Variants in POT1 observed in about 807,000 individuals in gnomAD.
POT1 encodes the protein protection of telomeres 1, also known as protection of telomeres protein 1.
A neutral mutation model predicts 78.5 loss-of-function variants in POT1; 47 were observed. That is an observed-to-expected ratio of 0.60 (90% CI 0.47 to 0.76). POT1 has a LOEUF of 0.76. Ranked by LOEUF, POT1 falls within the 30% of genes least tolerant of loss-of-function variation. The probability of loss-of-function intolerance (pLI) is 0.00; values close to 1 mark genes in which losing one functional copy is unlikely to be tolerated. For missense variants in POT1, 646 were observed against 749.9 expected (o/e 0.86, Z 1.62); for synonymous variants, 259 against 260.7 (o/e 0.99, Z 0.06).
intron 4 of POT1, 79 bp downstream of exon 4, chr7:124,898,182 T>G (rs1796539211): frequency 1.3e-5 from 2 of 151,980 alleles, no homozygotes; most frequent in East Asian, 3.9e-4. Context: ...ATCTGCAGAT[T>G]TACAGAAATA....
At chr7:124,906,406 A>G (rs1356654623) in intron 3 of POT1, among the ~76,000 whole-genome samples, 1 of 149,124 alleles carries the variant, frequency 6.7e-6, no homozygotes, top group Non-Finnish European at 1.5e-5. Flanking sequence ...ACCAATCACC[A>G]CATGTTCTCA....
At chr7:124,883,291 A>C (rs1055275217) in intron 6 of POT1, among the ~76,000 whole-genome samples, 1 of 152,128 alleles carries the variant, frequency 6.6e-6, no homozygotes, top group African/African-American at 2.4e-5. Flanking sequence ...TACATAGCCA[A>C]AAAACAGAAA....
chr7:124,911,095 G>A (rs914119747), intron 3 of POT1, among the ~76,000 whole-genome samples: 1 of 151,890 alleles, frequency 6.6e-6, no homozygotes, highest in Non-Finnish European at 1.5e-5. Flanking sequence ...ATTTTTATAA[G>A]CTACCAACAC....
At chr7:124,860,957 T>C (rs1412054031) in intron 8 of POT1, among the ~76,000 whole-genome samples, 3 of 152,102 alleles carry the variant, frequency 2.0e-5, no homozygotes, top group South Asian at 2.1e-4. Flanking sequence ...TTTGGCTGCA[T>C]AGTATTCCAG....
chr7:124,898,684 A>T (rs1796550477), intron 3 of POT1, among the ~76,000 whole-genome samples: 1 of 152,100 alleles, frequency 6.6e-6, no homozygotes, highest in African/African-American at 2.4e-5. Flanking sequence ...TCCAATAGTA[A>T]TAAGGATGGA....
At chr7:124,842,698 A>AAT (rs767685904) in intron 13 of POT1, 109 bp downstream of exon 13, 9 of 830,912 alleles carry the variant, frequency 1.1e-5, no homozygotes, top group Non-Finnish European at 1.5e-5. Flanking sequence ...TGCAAAATAT[A>AAT]ATATATATAT....
At chr7:124,862,125 C>CGTTAA in intron 8 of POT1, among the ~76,000 whole-genome samples, 2 of 152,134 alleles carry the variant, frequency 1.3e-5, no homozygotes, top group East Asian at 3.9e-4. Context: ...TTTAAACTAA[C>CGTTAA]AGTTACGTGA....
chr7:124,914,576 A>G (rs1235300765), intron 3 of POT1, among the ~76,000 whole-genome samples: 1 of 152,236 alleles, frequency 6.6e-6, no homozygotes. Context: ...TTGCATCTGC[A>G]AATTCAACCA....
At chr7:124,890,378 A>G (rs1000186084) in intron 6 of POT1, among the ~76,000 whole-genome samples, 3 of 151,958 alleles carry the variant, frequency 2.0e-5, no homozygotes, top group Admixed American at 6.6e-5. Flanking sequence ...GGTGTTATGA[A>G]TATTTTTGAT....
At chr7:124,920,169 A>G (rs953866613) in intron 2 of POT1, among the ~76,000 whole-genome samples, 1 of 152,178 alleles carries the variant, frequency 6.6e-6, no homozygotes, top group African/African-American at 2.4e-5. Flanking sequence ...ATTATTCACC[A>G]TCACAAAAAC....
intron 6 of POT1, among the ~76,000 whole-genome samples, chr7:124,877,791 C>T (rs1445481783): frequency 7.1e-6 from 1 of 141,052 alleles, no homozygotes; most frequent in African/African-American, 2.7e-5. Flanking sequence ...TGAGATGGTG[C>T]CACTGTATTC....
intron 6 of POT1, among the ~76,000 whole-genome samples, chr7:124,879,626 A>C (rs1324546529): frequency 6.6e-6 from 1 of 152,184 alleles, no homozygotes; most frequent in Non-Finnish European, 1.5e-5. Flanking sequence ...CCGTTATTTA[A>C]GACATACTTG....
intron 6 of POT1, among the ~76,000 whole-genome samples, chr7:124,879,398 G>A (rs1279801409): frequency 1.3e-5 from 2 of 152,102 alleles, no homozygotes; most frequent in East Asian, 1.9e-4. Flanking sequence ...GCTAGCATAG[G>A]GAATCATGAA....
chr7:124,885,943 T>C (rs1007112189), intron 6 of POT1, among the ~76,000 whole-genome samples: 24 of 152,168 alleles, frequency 1.6e-4, no homozygotes, highest in Non-Finnish European at 2.6e-4. Flanking sequence ...ATATGTTCTT[T>C]TAACTCTGAT....
intron 6 of POT1, among the ~76,000 whole-genome samples, chr7:124,882,513 T>C (rs1796142925): frequency 1.3e-5 from 2 of 152,122 alleles, no homozygotes; most frequent in Middle Eastern, 3.4e-3. Context: ...AGAAAGAATA[T>C]ATGTTATGAT....
intron 2 of POT1, among the ~76,000 whole-genome samples, chr7:124,926,352 A>G (rs1797271552): frequency 6.6e-6 from 1 of 152,170 alleles, no homozygotes; most frequent in African/African-American, 2.4e-5. Flanking sequence ...AATATAACTA[A>G]TCATCAGTAA....
intron 3 of POT1, among the ~76,000 whole-genome samples, chr7:124,901,836 C>G (rs1450793026): frequency 1.3e-5 from 2 of 152,034 alleles, no homozygotes; most frequent in Non-Finnish European, 2.9e-5. Context: ...CTTAAATGAC[C>G]TGATGAAGTG....
intron 2 of POT1, among the ~76,000 whole-genome samples, chr7:124,927,507 ATC>A (rs1797302658): frequency 6.6e-6 from 1 of 152,182 alleles, no homozygotes; most frequent in Admixed American, 6.5e-5. Flanking sequence ...CTAGACAACA[ATC>A]TATACAAGTG....
intron 15 of POT1, 141 bp from the exon 16 acceptor site, chr7:124,829,483 T>G: frequency 1.8e-6 from 1 of 571,384 alleles, no homozygotes; most frequent in East Asian, 2.9e-5. Flanking sequence ...TATTGTAATG[T>G]GCTTGTTTGT....
Sources: gnomAD v4.1 joint callset for allele counts (sites outside exome capture counted in the v4.1 genomes callset) on GRCh38, gnomAD v4.1.1 for gene constraint, MANE v1.5 for transcripts, NCBI Gene and HGNC (gene_info 2026-07-23, HGNC 2026-07-21) for gene names.